Variants in TTC6 observed in about 807,000 individuals in gnomAD.
TTC6 encodes tetratricopeptide repeat domain 6.
A neutral mutation model predicts 210.4 loss-of-function variants in TTC6; 172 were observed. That is an observed-to-expected ratio of 0.82 (90% CI 0.72 to 0.93). TTC6 has a LOEUF of 0.93. Ranked by LOEUF, TTC6 falls within the 40% of genes least tolerant of loss-of-function variation. The probability of loss-of-function intolerance (pLI) is 0.00; values close to 1 mark genes in which losing one functional copy is unlikely to be tolerated. For missense variants in TTC6, 2,414 were observed against 2,318.1 expected, an observed-to-expected ratio of 1.04 and a Z score of -0.85; for synonymous variants, 804 against 819.6, an observed-to-expected ratio of 0.98 and a Z score of 0.32.
intron 2 of TTC6, among the ~76,000 whole-genome samples, chr14:37,608,640 C>T (rs2095629308): frequency 6.6e-6 from 1 of 152,104 alleles, no homozygotes; most frequent in South Asian, 2.1e-4. Flanking sequence ...ATCTTTCATC[C>T]AATTGGAACT....
intron 6 of TTC6, among the ~76,000 whole-genome samples, chr14:37,724,574 A>G (rs945442826): frequency 6.6e-6 from 1 of 152,150 alleles, no homozygotes; most frequent in African/African-American, 2.4e-5. Context: ...CTCCCCATGC[A>G]TGTGTGCAAG....
At chr14:37,800,734 G>A (rs566924431) in intron 20 of TTC6, among the ~76,000 whole-genome samples, 7 of 152,260 alleles carry the variant, frequency 4.6e-5, no homozygotes, top group African/African-American at 1.7e-4. Context: ...TAGTGGATGT[G>A]GCTTTTGTCT....
chr14:37,640,926 A>G (rs2095690720), intron 1 of TTC6, among the ~76,000 whole-genome samples: 1 of 152,216 alleles, frequency 6.6e-6, no homozygotes, highest in Non-Finnish European at 1.5e-5. Context: ...GAGGTGGGCC[A>G]CAAGCTGACA....
rs149293839 is a variant in TTC6, at chr14:37,612,902, A to G, written c.-155+6160A>G. 3.6e-3 allele frequency among the ~76,000 whole-genome samples: 545 copies of G among 152,272 alleles called. 4 individuals are homozygous for G. The highest frequency in any genetic ancestry group is 0.013 in the African/African-American group (524 of 41,582). On this transcript the variant is annotated intron_variant, in intron 2 of 2. Coordinates refer to the TTC6 transcript ENST00000556845. ...TTTTTGTAGATTCCTCAGGATTTTT[A>G]TCCTAAAAATTATGTCATCTGCAAA... is the stretch of plus-strand genomic sequence containing the variant.
intron 1 of TTC6, among the ~76,000 whole-genome samples, chr14:37,651,892 T>G (rs1342656734): frequency 6.6e-6 from 1 of 152,122 alleles, no homozygotes; most frequent in Non-Finnish European, 1.5e-5. Flanking sequence ...CAGGCAGTGG[T>G]CAACATGTGG....
chr14:37,622,381 C>T, exon 1 of TTC6: 1 of 1,531,228 alleles, frequency 6.5e-7, no homozygotes, highest in Non-Finnish European at 8.7e-7. Flanking sequence ...CTGGGTGAGG[C>T]GGCGGCTCCA....
chr14:37,768,307 C>A (rs1457626075), intron 14 of TTC6, among the ~76,000 whole-genome samples: 4 of 151,098 alleles, frequency 2.6e-5, no homozygotes, highest in Admixed American at 2.0e-4. Flanking sequence ...TCCATATGAA[C>A]TTTAAAGTAG....
intron 14 of TTC6, among the ~76,000 whole-genome samples, chr14:37,774,327 T>C (rs1427824122): frequency 6.6e-6 from 1 of 152,114 alleles, no homozygotes; most frequent in Admixed American, 6.5e-5. Context: ...AGGGCATACT[T>C]GTCTTTTTCT....
intron 5 of TTC6, among the ~76,000 whole-genome samples, chr14:37,703,794 T>C (rs958713882): frequency 5.9e-5 from 9 of 152,194 alleles, no homozygotes; most frequent in African/African-American, 2.2e-4. Flanking sequence ...TATACAAATA[T>C]CTTGTATTGG....
intron 14 of TTC6, among the ~76,000 whole-genome samples, chr14:37,773,403 T>C (rs962385278): frequency 4.6e-5 from 7 of 152,170 alleles, no homozygotes; most frequent in African/African-American, 1.7e-4. Flanking sequence ...GTTTTAGATT[T>C]TGCATTTAAG....
intron 1 of TTC6, among the ~76,000 whole-genome samples, chr14:37,648,570 A>T (rs2095705793): frequency 6.6e-6 from 1 of 151,902 alleles, no homozygotes; most frequent in South Asian, 2.1e-4. Flanking sequence ...CTATCCTCAT[A>T]TGTTGGATGT....
intron 3 of TTC6, among the ~76,000 whole-genome samples, chr14:37,688,661 C>T (rs1337658830): frequency 6.6e-6 from 1 of 152,162 alleles, no homozygotes; most frequent in African/African-American, 2.4e-5. Flanking sequence ...ACAAGAGTTT[C>T]TGCCTAGTAA....
chr14:37,611,105 G>C, intron 2 of TTC6: 1 of 152,436 alleles, frequency 6.6e-6, no homozygotes, highest in Non-Finnish European at 1.5e-5. Context: ...AGGCTGCCCC[G>C]GAGCGGGTCC....
chr14:37,646,269 A>G (rs2095701483), intron 1 of TTC6, among the ~76,000 whole-genome samples: 1 of 152,220 alleles, frequency 6.6e-6, no homozygotes, highest in Non-Finnish European at 1.5e-5. Context: ...AGGCCTCTTT[A>G]TAAATGTAAT....
At chr14:37,685,487 C>G (rs1595102831) in intron 3 of TTC6, among the ~76,000 whole-genome samples, 1 of 152,264 alleles carries the variant, frequency 6.6e-6, no homozygotes, top group Middle Eastern at 3.4e-3. Flanking sequence ...AAAGATAACT[C>G]TGTCATATGG....
intron 25 of TTC6, among the ~76,000 whole-genome samples, chr14:37,812,659 A>AGG (rs2096132342): frequency 6.7e-6 from 1 of 150,128 alleles, no homozygotes; most frequent in Admixed American, 6.6e-5. Flanking sequence ...AAACATTTCT[A>AGG]ATTTGATCAA....
chr14:37,597,019 T>C (rs2095605945), intron 1 of TTC6, among the ~76,000 whole-genome samples: 1 of 151,864 alleles, frequency 6.6e-6, no homozygotes, highest in Non-Finnish European at 1.5e-5. Context: ...TTTTTTTTTT[T>C]TTTTACAAAA....
chr14:37,603,181 G>T (rs1445347611), intron 1 of TTC6, among the ~76,000 whole-genome samples: 2 of 152,200 alleles, frequency 1.3e-5, no homozygotes, highest in East Asian at 3.9e-4. Flanking sequence ...GGGGCAGCAT[G>T]GTTCTGACGC....
chr14:37,717,776 A>G (rs1261530342), intron 6 of TTC6, among the ~76,000 whole-genome samples: 1 of 152,224 alleles, frequency 6.6e-6, no homozygotes, highest in Non-Finnish European at 1.5e-5. Context: ...AAAGAAAGAA[A>G]GAAAGAAAAA....
Sources: allele counts gnomAD v4.1 joint callset (sites outside exome capture counted in the v4.1 genomes callset), GRCh38; gene constraint gnomAD v4.1.1; transcripts MANE v1.5; gene names NCBI Gene and HGNC (gene_info 2026-07-23, HGNC 2026-07-21).